The following ENPP3 variants were observed in gnomAD, a reference collection of about 807,000 sequenced individuals.
The protein encoded by ENPP3 is ectonucleotide pyrophosphatase/phosphodiesterase 3, also known as ectonucleotide pyrophosphatase/phosphodiesterase family member 3.
Under a neutral mutation model 117.8 loss-of-function variants are expected in ENPP3, and 104 were observed. The observed-to-expected ratio is 0.88, with a 90% CI of 0.75 to 1.04. ENPP3 has a LOEUF of 1.04. ENPP3 is among the 50% of genes least tolerant of loss of function. ENPP3 has a pLI of 0.00. For missense variants in ENPP3, 1,026 were observed against 1,051.9 expected, an observed-to-expected ratio of 0.98 and a Z score of 0.34; for synonymous variants, 380 against 349.9, an observed-to-expected ratio of 1.09 and a Z score of -0.96.
rs1780590468 is a variant in ENPP3, at chr6:131,744,429, A to G, written c.2458-2357A>G. Among the ~76,000 whole-genome samples the G allele has an allele frequency of 1.2e-4, 18 of 152,214 alleles. No individual in the cohort carries two copies. In the South Asian group the frequency reaches 3.5e-3, roughly 30 times the overall value. On this transcript the variant is annotated intron_variant, in intron 24 of 24. Transcript: ENST00000357639. ...ATCATTGGTGTGAAATACAATTGCC[A>G]AAGGGGAGAAAGTGGAAAGAAAAGA...
At chr6:131,708,364 TAA>T (rs1779687517) in intron 15 of ENPP3, among the ~76,000 whole-genome samples, 2 of 150,694 alleles carry the variant, frequency 1.3e-5, no homozygotes, top group Non-Finnish European at 3.0e-5. Flanking sequence ...ATTGTTTCTC[TAA>T]GAGTGGATTA....
chr6:131,728,900 A>G (rs1416032934), intron 20 of ENPP3, among the ~76,000 whole-genome samples: 1 of 152,216 alleles, frequency 6.6e-6, no homozygotes, highest in East Asian at 1.9e-4. Context: ...GAAGGAAGAT[A>G]TGCACTAGTG....
chr6:131,733,455 T>C (rs1248469101), intron 20 of ENPP3, 133 bp from the exon 21 acceptor site: 1 of 909,942 alleles, frequency 1.1e-6, no homozygotes, highest in Non-Finnish European at 1.6e-6. Context: ...TTCTCATTGC[T>C]TGCGTAGACC....
chr6:131,669,550 T>C (rs868199916), intron 6 of ENPP3, among the ~76,000 whole-genome samples: 42 of 149,830 alleles, frequency 2.8e-4, no homozygotes, highest in South Asian at 1.3e-3. Context: ...GGCAGGCACC[T>C]GTAGTCCCAG....
At chr6:131,671,457 C>A in intron 7 of ENPP3, 130 bp downstream of exon 7, 1 of 655,272 alleles carries the variant, frequency 1.5e-6, no homozygotes, top group South Asian at 1.8e-5. Flanking sequence ...TAGTTCATGG[C>A]TGAATTCAGG....
intron 15 of ENPP3, among the ~76,000 whole-genome samples, chr6:131,705,992 G>A (rs1465690873): frequency 7.4e-6 from 1 of 135,956 alleles, no homozygotes; most frequent in Non-Finnish European, 1.5e-5. Flanking sequence ...ATTTTGCTAT[G>A]CATTTACTAC....
intron 24 of ENPP3, 96 bp downstream of exon 24, chr6:131,740,476 G>T: frequency 4.6e-6 from 4 of 876,718 alleles, no homozygotes; most frequent in South Asian, 5.4e-5. Flanking sequence ...ATTTTTTTTA[G>T]GTGTTTCATG....
At chr6:131,724,561 A>G (rs9493082) in intron 19 of ENPP3, among the ~76,000 whole-genome samples, 21,030 of 152,136 alleles carry the variant, frequency 0.14, 2,069 homozygotes, top group East Asian at 0.33. Context: ...CAATATTATT[A>G]TTACCTGTTA....
At chr6:131,659,648 T>A (rs1311108238) in intron 6 of ENPP3, among the ~76,000 whole-genome samples, 1 of 152,164 alleles carries the variant, frequency 6.6e-6, no homozygotes, top group African/African-American at 2.4e-5. Flanking sequence ...GGAAGATAGA[T>A]CACTACTTCC....
intron 23 of ENPP3, among the ~76,000 whole-genome samples, chr6:131,739,052 T>C (rs1483668734): frequency 1.3e-5 from 2 of 152,188 alleles, no homozygotes; most frequent in East Asian, 3.9e-4. Context: ...AGAACTCACA[T>C]ATACATCAGT....
At chr6:131,643,569 T>A (rs1047133359) in intron 2 of ENPP3, among the ~76,000 whole-genome samples, 1 of 152,116 alleles carries the variant, frequency 6.6e-6, no homozygotes, top group Non-Finnish European at 1.5e-5. Flanking sequence ...TACTCATTTT[T>A]CCACCGCATC....
chr6:131,692,851 A>G, intron 14 of ENPP3, among the ~76,000 whole-genome samples: 1 of 128,864 alleles, frequency 7.8e-6, no homozygotes, highest in African/African-American at 3.7e-5. Context: ...TATGATATAT[A>G]TGATATGTGA....
intron 24 of ENPP3, among the ~76,000 whole-genome samples, chr6:131,743,328 G>GA (rs1780568348): frequency 6.6e-6 from 1 of 152,046 alleles, no homozygotes; most frequent in Non-Finnish European, 1.5e-5. Flanking sequence ...TTTGGAGTTG[G>GA]ACCTCCTGGG....
Position 131,666,207 on chromosome 6 carries a change from TA to T in ENPP3, c.563-5031del, listed in dbSNP as rs915880389. On this transcript the variant is annotated intron_variant, in intron 6 of 24. Coordinates refer to ENST00000357639, the MANE Select transcript of ENPP3 (RefSeq NM_005021.5). Reference sequence around the variant, plus strand: ...TTAATGTTCTGTAAGGGTTCTGCTTTAAAAAAAAAACCTGCTGATAGTTTTA... The same window carrying T: ...TTAATGTTCTGTAAGGGTTCTGCTTTAAAAAAAAACCTGCTGATAGTTTTA... Among the ~76,000 whole-genome samples, 52 of 149,724 alleles carry T rather than the reference TA, an allele frequency of 3.5e-4. No homozygotes were observed. In the East Asian group the frequency reaches 4.9e-3, roughly 14 times the overall value.
chr6:131,653,043 A>C (rs1420110148), intron 5 of ENPP3, 152 bp downstream of exon 5: 2 of 505,614 alleles, frequency 4.0e-6, no homozygotes, highest in African/African-American at 3.9e-5. Context: ...TGTGGCTTCC[A>C]AGTTCTAATG....
intron 2 of ENPP3, among the ~76,000 whole-genome samples, chr6:131,644,991 T>C (rs994416176): frequency 1.3e-5 from 2 of 152,040 alleles, no homozygotes; most frequent in African/African-American, 2.4e-5. Flanking sequence ...AATCTACATA[T>C]TTTTTTTCTA....
intron 6 of ENPP3, among the ~76,000 whole-genome samples, chr6:131,665,434 A>G (rs1421018070): frequency 6.6e-6 from 1 of 152,046 alleles, no homozygotes; most frequent in Non-Finnish European, 1.5e-5. Flanking sequence ...TTATAGATTT[A>G]TTCGGACTTT....
intron 14 of ENPP3, among the ~76,000 whole-genome samples, chr6:131,692,707 C>A (rs1038153446): frequency 4.9e-5 from 7 of 142,516 alleles, no homozygotes; most frequent in African/African-American, 1.8e-4. Flanking sequence ...TAATATATAA[C>A]CATATATAGT....
At chr6:131,671,498 T>C (rs1778741302) in intron 7 of ENPP3, among the ~76,000 whole-genome samples, 171 bp downstream of exon 7, 1 of 152,198 alleles carries the variant, frequency 6.6e-6, no homozygotes, top group Non-Finnish European at 1.5e-5. Flanking sequence ...ATGAGGCCAG[T>C]CCAGGGCTGT....
Sources: allele counts gnomAD v4.1 joint callset (sites outside exome capture counted in the v4.1 genomes callset), GRCh38; gene constraint gnomAD v4.1.1; transcripts MANE v1.5; gene names NCBI Gene and HGNC (gene_info 2026-07-23, HGNC 2026-07-21).